The following PAPOLA variants were observed in gnomAD, a reference collection of about 807,000 sequenced individuals.
PAPOLA encodes the protein polynucleotide adenylyltransferase alpha.
In PAPOLA, 15 loss-of-function variants were observed where a neutral mutation model predicts 100.6. The ratio of observed to expected loss-of-function variants is 0.15; its 90% CI spans 0.10 to 0.23. PAPOLA has a LOEUF of 0.23. Among genes scored for constraint, PAPOLA ranks in the 10% least tolerant of loss-of-function variants. The pLI is 1.00. For missense variants in PAPOLA, 533 were observed against 884.2 expected, an observed-to-expected ratio of 0.60 and a Z score of 5.04; for synonymous variants, 293 against 300.0, an observed-to-expected ratio of 0.98 and a Z score of 0.24.
chr14:96,540,428 TA>T (rs1479247990), intron 12 of PAPOLA, among the ~76,000 whole-genome samples: 5 of 151,666 alleles, frequency 3.3e-5, no homozygotes, highest in African/African-American at 1.2e-4. Flanking sequence ...TTTTTTTTTT[TA>T]ACCAGTTAGC....
chr14:96,532,245 T>C (rs975606226), intron 7 of PAPOLA, 86 bp from the exon 8 acceptor site: 56 of 1,462,268 alleles, frequency 3.8e-5, no homozygotes, highest in Middle Eastern at 4.6e-4. Context: ...CATTAAACTT[T>C]TGATGATTTA....
chr14:96,511,302 C>T (rs749614993), intron 1 of PAPOLA, among the ~76,000 whole-genome samples: 1 of 151,894 alleles, frequency 6.6e-6, no homozygotes, highest in Non-Finnish European at 1.5e-5. Context: ...GGCTCATGCC[C>T]GTAATCCCAG....
intron 15 of PAPOLA, among the ~76,000 whole-genome samples, chr14:96,545,041 TTTC>T (rs1268737002): frequency 6.6e-6 from 1 of 152,086 alleles, no homozygotes; most frequent in Non-Finnish European, 1.5e-5. Context: ...GACAACCGCA[TTTC>T]TTCTTTAAGG....
intron 3 of PAPOLA, among the ~76,000 whole-genome samples, chr14:96,523,589 T>C (rs1437578209): frequency 6.6e-6 from 1 of 152,222 alleles, no homozygotes; most frequent in African/African-American, 2.4e-5. Context: ...CAGGTCAGCG[T>C]TGCCATTGAG....
intron 1 of PAPOLA, among the ~76,000 whole-genome samples, chr14:96,518,510 G>A (rs1566837965): frequency 6.6e-6 from 1 of 151,514 alleles, no homozygotes; most frequent in Admixed American, 6.6e-5. Context: ...CCAGGTTCAC[G>A]CCATTCTCCT....
At chr14:96,527,751 A>G (rs1898617911) in intron 5 of PAPOLA, 1 of 614,056 alleles carries the variant, frequency 1.6e-6, no homozygotes, top group South Asian at 2.0e-5. Flanking sequence ...AACAAAATAA[A>G]TATGAAATAA....
intron 17 of PAPOLA, 107 bp downstream of exon 17, chr14:96,552,729 C>A: frequency 9.4e-7 from 1 of 1,065,428 alleles, no homozygotes; most frequent in East Asian, 2.7e-5. Flanking sequence ...ATTTTCATTC[C>A]ATCTACTAAT....
intron 3 of PAPOLA, among the ~76,000 whole-genome samples, chr14:96,522,072 G>C (rs1013986613): frequency 6.7e-6 from 1 of 149,918 alleles, no homozygotes; most frequent in African/African-American, 2.5e-5. Context: ...AAAGTGCTTG[G>C]GATTATAGGC....
intron 10 of PAPOLA, chr14:96,535,560 C>G: frequency 9.9e-7 from 1 of 1,015,166 alleles, no homozygotes; most frequent in Non-Finnish European, 1.2e-6. Flanking sequence ...ATGTGCATCC[C>G]CATTTCTGTT....
intron 17 of PAPOLA, chr14:96,553,530 A>G (rs2140322700): frequency 6.6e-6 from 1 of 152,290 alleles, no homozygotes; most frequent in African/African-American, 2.4e-5. Context: ...AAAAAAAAAA[A>G]AATTTTGAGT....
At chr14:96,520,478 C>G (rs1205267388) in intron 2 of PAPOLA, among the ~76,000 whole-genome samples, 1 of 152,038 alleles carries the variant, frequency 6.6e-6, no homozygotes, top group East Asian at 1.9e-4. Flanking sequence ...TGGGTTCAAG[C>G]GATTCTCCTG....
chr14:96,508,636 A>G (rs1417575146), intron 1 of PAPOLA, among the ~76,000 whole-genome samples: 1 of 152,250 alleles, frequency 6.6e-6, no homozygotes, highest in African/African-American at 2.4e-5. Flanking sequence ...TAACATTACA[A>G]TTAAATTTCA....
chr14:96,545,278 G>T (rs901218098), intron 15 of PAPOLA, among the ~76,000 whole-genome samples: 1 of 152,042 alleles, frequency 6.6e-6, no homozygotes, highest in Non-Finnish European at 1.5e-5. Context: ...AAAGGAAAAG[G>T]ATATGTATTT....
intron 19 of PAPOLA, among the ~76,000 whole-genome samples, chr14:96,557,216 A>T (rs1053178168): frequency 7.9e-5 from 12 of 151,868 alleles, no homozygotes; most frequent in Non-Finnish European, 1.5e-4. Flanking sequence ...TGCCTAATTT[A>T]AAAAAAGATT....
chr14:96,537,236 G>A, intron 12 of PAPOLA, 176 bp downstream of exon 12: 2 of 572,062 alleles, frequency 3.5e-6, no homozygotes, highest in Non-Finnish European at 6.3e-6. Flanking sequence ...TAATGAATGT[G>A]AAGCCCCTTT....
chr14:96,521,537 C>T lies in PAPOLA; in HGVS notation c.249+465C>T, dbSNP rs377274928. Reference sequence around the variant, plus strand: ...ACAGGGTCTCGCTCTGTCATTCAGGCGGAGTGTAGTGACACCATTATAGTG... The same window carrying T: ...ACAGGGTCTCGCTCTGTCATTCAGGTGGAGTGTAGTGACACCATTATAGTG... On this transcript the variant is annotated intron_variant, in intron 3 of 21. Coordinates refer to ENST00000216277, the MANE Select transcript of PAPOLA (RefSeq NM_032632.5). Among the ~76,000 whole-genome samples, 95 of 152,054 alleles carry T rather than the reference C, an allele frequency of 6.2e-4. No individual in the cohort carries two copies. In the East Asian group the frequency reaches 7.3e-3, roughly 12 times the overall value.
chr14:96,529,599 G>A (rs528492704), intron 6 of PAPOLA, among the ~76,000 whole-genome samples: 95 of 152,020 alleles, frequency 6.2e-4, no homozygotes, highest in South Asian at 1.5e-3. Flanking sequence ...GCGTGTGCCT[G>A]TAGTCCCAGC....
At position 96,565,599 on chromosome 14, in the gene PAPOLA, T is replaced by TA; in HGVS notation, c.*550dup. 1 of 395,590 alleles carries TA rather than the reference T, an allele frequency of 2.5e-6. No homozygotes were observed. Among genetic ancestry groups the TA allele is most frequent in the Non-Finnish European group, 4.5e-6 (1 of 224,218 alleles). 24.5% of individuals were successfully genotyped at this position (395,590 alleles called of 1,614,324 possible). A position where few individuals can be genotyped will look rare whatever the true frequency, so the allele number is the denominator to read the frequency against. On this transcript the variant is annotated 3_prime_UTR_variant, in exon 22 of 22. Coordinates refer to ENST00000216277, the MANE Select transcript of PAPOLA (RefSeq NM_032632.5). Reference sequence around the variant, plus strand: ...TACATCTAGTTCAGTTCCTATGAGGTAGCTGTAACCCTTAAAAATGAAACG... The same window carrying TA: ...TACATCTAGTTCAGTTCCTATGAGGTAAGCTGTAACCCTTAAAAATGAAACG...
rs1445235508 is a variant in PAPOLA at position 96,552,465 on chromosome 14, T to A, written c.1522-15T>A. 6.2e-7 allele frequency: 1 copy of A among 1,606,902 alleles called. No homozygotes were observed. The highest frequency in any genetic ancestry group is 1.3e-5 in the African/African-American group (1 of 74,772). The stretch of plus-strand genomic sequence containing the variant: ...AAATAAAGATATATTTGATAAAATG[T>A]TTTATTGTTTGCAGCATTCAACAGA... On this transcript the variant is annotated splice_polypyrimidine_tract_variant and intron_variant, in intron 16 of 21. Transcript: ENST00000216277.
Sources: allele counts gnomAD v4.1 joint callset (sites outside exome capture counted in the v4.1 genomes callset), GRCh38; gene constraint gnomAD v4.1.1; transcripts MANE v1.5; gene names NCBI Gene and HGNC (gene_info 2026-07-23, HGNC 2026-07-21).